The following NET1 variants were observed in gnomAD, a reference collection of about 807,000 sequenced individuals.
The protein encoded by NET1 is neuroepithelial cell transforming 1.
A neutral mutation model predicts 61.1 loss-of-function variants in NET1; 42 were observed. The observed-to-expected ratio is 0.69, with a 90% confidence interval of 0.54 to 0.89. The LOEUF is 0.89. Ranked by LOEUF, NET1 falls within the 40% of genes least tolerant of loss-of-function variation. The pLI is 0.00. For missense variants in NET1, 654 were observed against 747.3 expected, an observed-to-expected ratio of 0.88 and a Z score of 1.46; for synonymous variants, 254 against 281.8, an observed-to-expected ratio of 0.90 and a Z score of 0.99.
rs1832066496 is a variant in NET1, at chr10:5,415,495, A to G, written c.128+2675A>G. Among the ~76,000 whole-genome samples, 1 of 149,122 alleles carries G rather than the reference A, an allele frequency of 6.7e-6. No individual in the cohort carries two copies. The highest frequency in any genetic ancestry group is 2.5e-5 in the African/African-American group (1 of 40,250). On this transcript the variant is annotated intron_variant, in intron 1 of 11. Coordinates refer to ENST00000355029, the MANE Select transcript of NET1 (RefSeq NM_001047160.3). The surrounding 1 kb of genome is among the most constrained non-coding windows in gnomAD (Gnocchi z 4.7). Reference sequence around the variant, plus strand: ...CAGTCTGTCACCGGGGCTGGAGTACAGTGGCATGATCTCGGCTCACTGCAA... The same window carrying G: ...CAGTCTGTCACCGGGGCTGGAGTACGGTGGCATGATCTCGGCTCACTGCAA...
At position 5,451,884 on chromosome 10, in the gene NET1, T is replaced by G; in HGVS notation, c.310T>G (p.Leu104Val). Reference protein sequence around the residue: ...PLARVTSLANLISPVRNGAVR... With the variant: ...PLARVTSLANVISPVRNGAVR... ...GGCTCGTGTCACGTCCTTGGCAAATTTAATCTCTCCTGTAAGAAATGGAGC... is the reference window on the plus strand; with the variant it reads ...GGCTCGTGTCACGTCCTTGGCAAATGTAATCTCTCCTGTAAGAAATGGAGC... Residue 104 changes from leucine (L) to valine (V), a missense_variant, in exon 4 of 12, where the codon TTA (leucine) becomes GTA (valine). Physicochemically the swap from Leu to Val is conservative, Grantham distance 32. Transcript: ENST00000355029. The surrounding 1 kb of genome is among the most constrained non-coding windows in gnomAD (Gnocchi z 6.1). 1.2e-6 allele frequency: 2 copies of G among 1,614,042 alleles called. No individual in the cohort carries two copies. Among genetic ancestry groups the G allele is most frequent in the Non-Finnish European group, 1.7e-6 (2 of 1,179,964 alleles).
In NET1 at chr10:5,443,002, A is replaced by G. The variant is rs1043482342; in HGVS notation, c.256-8828A>G. On this transcript the variant is annotated intron_variant, in intron 3 of 11. Transcript: ENST00000355029. This position sits in a 1 kb window ranked among gnomAD's most constrained non-coding sequence, Gnocchi z 4.8. ...AGGCTATAAGGCAGCTAATCTCTCA[A>G]CCGTTTTTATGGTTTCCTCCTCTAT... 2.0e-5 allele frequency among the ~76,000 whole-genome samples: 3 copies of G among 152,144 alleles called. No homozygotes were observed. The highest frequency in any genetic ancestry group is 4.8e-5 in the African/African-American group (2 of 41,452).
In NET1 at chr10:5,451,938, G is replaced by T; in HGVS notation, c.363+1G>T. On this transcript the variant is annotated splice_donor_variant, in intron 4 of 11. Transcript: ENST00000355029. LOFTEE classifies it high-confidence loss of function. The surrounding 1 kb of genome is among the most constrained non-coding windows in gnomAD (Gnocchi z 6.1). ...CAGACGTTTTGGTCAAACAATACAG[G>T]TAAAAAGAGAGGAGGAAGAGTAATG... 6.2e-7 allele frequency: 1 copy of T among 1,608,902 alleles called. No individual in the cohort carries two copies. The highest frequency in any genetic ancestry group is 8.5e-7 in the Non-Finnish European group (1 of 1,175,650).
At chr10:5,418,708 C>G (rs145735353) in intron 1 of NET1, among the ~76,000 whole-genome samples, 183 of 152,230 alleles carry the variant, frequency 1.2e-3, no homozygotes, top group Non-Finnish European at 1.0e-3. Context: ...TCAGATTAGT[C>G]TGCATGCTTT....
rs770829658 is a variant in NET1 at position 5,426,727 on chromosome 10, T to C, written c.195+6T>C. The stretch of plus-strand genomic sequence containing the variant: ...CCAACTGGGACTTCACTTTGGTGAG[T>C]AGATACCTGGGTTTTTATTTCGAGA... On this transcript the variant is annotated splice_donor_region_variant and intron_variant, in intron 2 of 11. Coordinates refer to ENST00000355029, the MANE Select transcript of NET1 (RefSeq NM_001047160.3). This position sits in a 1 kb window ranked among gnomAD's most constrained non-coding sequence, Gnocchi z 4.6. 2 of 1,590,810 alleles carry C rather than the reference T, an allele frequency of 1.3e-6. No individual in the cohort carries two copies. Among genetic ancestry groups the C allele is most frequent in the South Asian group, 2.3e-5 (2 of 87,536 alleles).
intron 3 of NET1, among the ~76,000 whole-genome samples, chr10:5,442,988 C>A (rs1488071714): frequency 6.6e-6 from 1 of 152,108 alleles, no homozygotes; most frequent in Non-Finnish European, 1.5e-5. Flanking sequence ...GGCTATAAGG[C>A]AGCTAATCTC....
In NET1 at chr10:5,412,891, G is replaced by A; in HGVS notation, c.128+71G>A. ...GAGCGGAGGGCCGAACGGGAGGTGA[G>A]TGTTGGAGAGGCAAGGGCCGGGGGG... is the stretch of plus-strand genomic sequence containing the variant. On this transcript the variant is annotated intron_variant, in intron 1 of 11. Transcript: ENST00000355029. This position sits in a 1 kb window ranked among gnomAD's most constrained non-coding sequence, Gnocchi z 6.5. The A allele has an allele frequency of 1.7e-6, 2 of 1,167,808 alleles. No individual in the cohort carries two copies. Among genetic ancestry groups the A allele is most frequent in the Non-Finnish European group, 2.2e-6 (2 of 920,076 alleles). The allele number at this position is 1,167,808 out of a possible 1,614,324, so 72.3% of individuals were successfully genotyped here.
rs916693794 is a variant in NET1 at position 5,446,661 on chromosome 10, T to G, written c.256-5169T>G. 1 of 1,323,810 alleles carries G rather than the reference T, an allele frequency of 7.6e-7. No individual in the cohort carries two copies. The highest frequency in any genetic ancestry group is 9.7e-7 in the Non-Finnish European group (1 of 1,029,580). The allele number at this position is 1,323,810 out of a possible 1,614,324, so 82.0% of individuals were successfully genotyped here. ...GGCATGGGCACGTGGCTGCCGAGGG[T>G]GGCCGAGCTCTGGGAAGAAAAGCCC... On this transcript the variant is annotated intron_variant, in intron 3 of 11. Coordinates refer to ENST00000355029, the MANE Select transcript of NET1 (RefSeq NM_001047160.3). The surrounding 1 kb of genome is among the most constrained non-coding windows in gnomAD (Gnocchi z 5.0).
At chr10:5,448,167 C>A (rs1832648040) in intron 3 of NET1, among the ~76,000 whole-genome samples, 3 of 152,062 alleles carry the variant, frequency 2.0e-5, no homozygotes. Context: ...AAGGAATAGA[C>A]CCAGGTGCAT....
rs1170071027 is a variant in NET1 at position 5,453,756 on chromosome 10, A to G, written c.768+196A>G. Among the ~76,000 whole-genome samples the G allele has an allele frequency of 1.3e-5, 2 of 152,006 alleles. No individual in the cohort carries two copies. The highest frequency in any genetic ancestry group is 6.6e-5 in the Admixed American group (1 of 15,258). ...AAAAAAAAACACCTTCATTAATGCT[A>G]TAGGTTCATTTGTGTTACAAATACG... On this transcript the variant is annotated intron_variant, in intron 8 of 11. Transcript: ENST00000355029. This position sits in a 1 kb window ranked among gnomAD's most constrained non-coding sequence, Gnocchi z 4.9.
chr10:5,440,538 G>T lies in NET1; in HGVS notation c.256-11292G>T, dbSNP rs995324611. Reference sequence around the variant, plus strand: ...GAGGATCTAGTGGAGACTATCACTTGTGCAGTCCGTAACTCTGATGGCTGA... The same window carrying T: ...GAGGATCTAGTGGAGACTATCACTTTTGCAGTCCGTAACTCTGATGGCTGA... On this transcript the variant is annotated intron_variant, in intron 3 of 11. Coordinates refer to ENST00000355029, the MANE Select transcript of NET1 (RefSeq NM_001047160.3). The surrounding 1 kb of genome is among the most constrained non-coding windows in gnomAD (Gnocchi z 4.1). 2.0e-5 allele frequency among the ~76,000 whole-genome samples: 3 copies of T among 152,144 alleles called. No individual in the cohort carries two copies. The highest frequency in any genetic ancestry group is 7.2e-5 in the African/African-American group (3 of 41,424).
At chr10:5,418,189 C>G (rs1832112300) in intron 1 of NET1, among the ~76,000 whole-genome samples, 1 of 151,876 alleles carries the variant, frequency 6.6e-6, no homozygotes, top group Non-Finnish European at 1.5e-5. Flanking sequence ...GAAGTATTCC[C>G]TACTGTTTTG....
intron 3 of NET1, among the ~76,000 whole-genome samples, chr10:5,450,057 ACG>A (rs1832679858): frequency 2.8e-5 from 3 of 108,818 alleles, no homozygotes; most frequent in South Asian, 5.1e-4. Context: ...GCCCCTGCAC[ACG>A]CGTGTGTCAG....
rs182976379 is a variant in NET1 at position 5,458,082 on chromosome 10, A to G, written c.*1088A>G. ...AACTTGAGGGCGTGTAGTAAGTTGT[A>G]GAAGGCTCGAGGGGACGTGGACTTA... On this transcript the variant is annotated 3_prime_UTR_variant, in exon 12 of 12. Transcript: ENST00000355029. The surrounding 1 kb of genome is among the most constrained non-coding windows in gnomAD (Gnocchi z 4.5). 1 of 152,314 alleles carries G rather than the reference A, an allele frequency of 6.6e-6. No individual in the cohort carries two copies. Among genetic ancestry groups the G allele is most frequent in the Admixed American group, 6.5e-5 (1 of 15,300 alleles). 9.4% of individuals were successfully genotyped at this position (152,314 alleles called of 1,614,324 possible). A position where few individuals can be genotyped will look rare whatever the true frequency, so the allele number is the denominator to read the frequency against.
At position 5,422,360 on chromosome 10, in the gene NET1, A is replaced by G. The variant is rs1285238905; in HGVS notation, c.129-4295A>G. Among the ~76,000 whole-genome samples the G allele has an allele frequency of 1.3e-5, 2 of 152,050 alleles. No individual in the cohort carries two copies. The highest frequency in any genetic ancestry group is 2.9e-5 in the Non-Finnish European group (2 of 67,992). Reference sequence around the variant, plus strand: ...TCAAAAAAAAAAAAAGTCTTTGTGTAGACATACGTTTTCACTCCTCTTGGG... The same window carrying G: ...TCAAAAAAAAAAAAAGTCTTTGTGTGGACATACGTTTTCACTCCTCTTGGG... On this transcript the variant is annotated intron_variant, in intron 1 of 11. Transcript: ENST00000355029. This position sits in a 1 kb window ranked among gnomAD's most constrained non-coding sequence, Gnocchi z 4.1.
chr10:5,413,154 CA>C (rs1222006082), intron 1 of NET1, among the ~76,000 whole-genome samples: 1 of 152,034 alleles, frequency 6.6e-6, no homozygotes, highest in Non-Finnish European at 1.5e-5. Context: ...CTGCCTGTGG[CA>C]AAGGGGCGGG....
At position 5,437,706 on chromosome 10, in the gene NET1, A is replaced by G. The variant is rs189112336; in HGVS notation, c.255+8477A>G. Among the ~76,000 whole-genome samples, 101 of 151,998 alleles carry G rather than the reference A, an allele frequency of 6.6e-4. No individual in the cohort carries two copies. The highest frequency in any genetic ancestry group is 3.4e-3 in the Middle Eastern group (1 of 294). Reference sequence around the variant, plus strand: ...ACCAACTATTGGGATAGATAACCTGACAGGAAATCAATAAGGAAGTAGAAG... The same window carrying G: ...ACCAACTATTGGGATAGATAACCTGGCAGGAAATCAATAAGGAAGTAGAAG... On this transcript the variant is annotated intron_variant, in intron 3 of 11. Transcript: ENST00000355029. This position sits in a 1 kb window ranked among gnomAD's most constrained non-coding sequence, Gnocchi z 4.3.
Position 5,440,612 on chromosome 10 carries a change from T to C in NET1, c.256-11218T>C, listed in dbSNP as rs1181984000. 6.6e-6 allele frequency among the ~76,000 whole-genome samples: 1 copy of C among 152,200 alleles called. No individual in the cohort carries two copies. Among genetic ancestry groups the C allele is most frequent in the Non-Finnish European group, 1.5e-5 (1 of 68,042 alleles). Reference sequence around the variant, plus strand: ...CAATACTGCTTCTGACTTACCATCTTGGCCCAGGTGTAAGGGGTGAAATTT... The same window carrying C: ...CAATACTGCTTCTGACTTACCATCTCGGCCCAGGTGTAAGGGGTGAAATTT... On this transcript the variant is annotated intron_variant, in intron 3 of 11. Transcript: ENST00000355029. This position sits in a 1 kb window ranked among gnomAD's most constrained non-coding sequence, Gnocchi z 4.1.
chr10:5,442,199 T>C (rs896938309), intron 3 of NET1, among the ~76,000 whole-genome samples: 4 of 152,230 alleles, frequency 2.6e-5, no homozygotes, highest in Non-Finnish European at 5.9e-5. Context: ...GTTACAAATA[T>C]AATTACAAAG....
Sources: gnomAD v4.1 joint callset for allele counts (sites outside exome capture counted in the v4.1 genomes callset) on GRCh38, gnomAD v4.1.1 for gene constraint, Gnocchi (gnomAD v3.1) non-coding constraint, MANE v1.5 for transcripts, NCBI Gene and HGNC (gene_info 2026-07-23, HGNC 2026-07-21) for gene names.